SANBR: variants seen among roughly 807,000 people sequenced by gnomAD.
The protein encoded by SANBR is SANT and BTB domain regulator of CSR.
In SANBR, 77 loss-of-function variants were observed where a neutral mutation model predicts 101.8. That is an observed-to-expected ratio of 0.76 (90% CI 0.63 to 0.91). The LOEUF (loss-of-function observed/expected upper bound fraction) is 0.91. Among genes scored for constraint, SANBR ranks in the 40% least tolerant of loss-of-function variants. The pLI is 0.00. For missense variants in SANBR, 875 were observed against 853.0 expected, an observed-to-expected ratio of 1.03 and a Z score of -0.32; for synonymous variants, 279 against 274.7, an observed-to-expected ratio of 1.02 and a Z score of -0.15.
chr2:61,073,506 A>C lies in SANBR; in HGVS notation c.386A>C (p.Asn129Thr), dbSNP rs1300547097. The C allele has an allele frequency of 6.3e-7, 1 of 1,592,284 alleles. No homozygotes were observed. The highest frequency in any genetic ancestry group is 8.6e-7 in the Non-Finnish European group (1 of 1,166,688). Residue 129 changes from asparagine to threonine, a missense_variant, in exon 5 of 22, where the codon AAT (asparagine) becomes ACT (threonine). By Grantham distance (65) the Asn-to-Thr change is moderately conservative. Transcript: ENST00000402291. ...STRNCSSESE[N>T]CTTHNGGEMT... ...AGGAATTGTTCTTCAGAAAGTGAAAATTGTACTACTCATAATGGTGGAGAA... is the reference window on the plus strand; with the variant it reads ...AGGAATTGTTCTTCAGAAAGTGAAACTTGTACTACTCATAATGGTGGAGAA...
intron 21 of SANBR, among the ~76,000 whole-genome samples, chr2:61,134,748 T>A (rs1684794031): frequency 6.6e-6 from 1 of 150,808 alleles, no homozygotes; most frequent in African/African-American, 2.5e-5. Context: ...AAAAATTAGC[T>A]GGTGGTGTGG....
intron 8 of SANBR, among the ~76,000 whole-genome samples, chr2:61,087,095 T>G (rs1682474111): frequency 6.6e-6 from 1 of 152,194 alleles, no homozygotes; most frequent in Non-Finnish European, 1.5e-5. Context: ...AAACATCACT[T>G]AACCCTCATA....
At position 61,114,302 on chromosome 2, in the gene SANBR, A is replaced by G. The variant is rs555636994; in HGVS notation, c.1745-1677A>G. Reference sequence around the variant, plus strand: ...ATTTATTCAGCACACATTAAACGACAAAAGTCTCAAGTAAATGCCACTAGA... The same window carrying G: ...ATTTATTCAGCACACATTAAACGACGAAAGTCTCAAGTAAATGCCACTAGA... On this transcript the variant is annotated intron_variant, in intron 16 of 21. Transcript: ENST00000402291. Among the ~76,000 whole-genome samples the G allele has an allele frequency of 7.5e-4, 115 of 152,322 alleles. 1 individual carries two copies. Among genetic ancestry groups the G allele is most frequent in the African/African-American group, 2.6e-3 (110 of 41,572 alleles).
chr2:61,088,202 T>C lies in SANBR; in HGVS notation c.934T>C (p.Tyr312His). 1 of 1,609,070 alleles carries C rather than the reference T, an allele frequency of 6.2e-7. No individual in the cohort carries two copies. Among genetic ancestry groups the C allele is most frequent in the Non-Finnish European group, 8.5e-7 (1 of 1,178,532 alleles). Residue 312 changes from tyrosine (Y) to histidine (H), a missense_variant, in exon 9 of 22, where the codon TAC becomes CAC. Physicochemically the swap from Tyr to His is moderately conservative, Grantham distance 83 (BLOSUM62 2). Coordinates refer to ENST00000402291, the MANE Select transcript of SANBR (RefSeq NM_001129993.3). ...KKIERLFDPEYLNPDSRSNAA... is the reference protein window; with the variant it reads ...KKIERLFDPEHLNPDSRSNAA... ...GATTGAAAGACTGTTTGATCCTGAG[T>C]ACTTGAATCCAGATTCTCGGAGTAA...
chr2:61,083,368 T>A, intron 8 of SANBR, 54 bp downstream of exon 8: 1 of 1,064,618 alleles, frequency 9.4e-7, no homozygotes. Context: ...AGAAATATAT[T>A]TCTATTTCAT....
Position 61,118,069 on chromosome 2 carries a change from A to ATT in SANBR, c.1982_1983insTT (p.Met661IlefsTer2), listed in dbSNP as rs1684161716. The ATT allele has an allele frequency of 6.2e-7, 1 of 1,613,824 alleles. No homozygotes were observed. Among genetic ancestry groups the ATT allele is most frequent in the Non-Finnish European group, 8.5e-7 (1 of 1,179,898 alleles). On this transcript the variant is annotated frameshift_variant, in exon 20 of 22. Coordinates refer to ENST00000402291, the MANE Select transcript of SANBR (RefSeq NM_001129993.3). LOFTEE classifies it high-confidence loss of function. Reference sequence around the variant, plus strand: ...TGAAATTACAGGGCACCTAATAAAAATGAGATTGGGGGATCTGGACCGAGT... The same window carrying ATT: ...TGAAATTACAGGGCACCTAATAAAAATTTGAGATTGGGGGATCTGGACCGAGT...
At chr2:61,079,683 A>T (rs1032495387) in intron 6 of SANBR, among the ~76,000 whole-genome samples, 1 of 152,200 alleles carries the variant, frequency 6.6e-6, no homozygotes, top group African/African-American at 2.4e-5. Flanking sequence ...TTATGTGTGT[A>T]GTAAAGGTAA....
At chr2:61,121,304 G>A in intron 21 of SANBR, 28 bp downstream of exon 21, 1 of 1,495,222 alleles carries the variant, frequency 6.7e-7, no homozygotes, top group Non-Finnish European at 9.1e-7. Flanking sequence ...AAACCAGAGT[G>A]TCAGTGGCTT....
chr2:61,098,625 C>T (rs1347717861), intron 12 of SANBR, among the ~76,000 whole-genome samples: 1 of 152,096 alleles, frequency 6.6e-6, no homozygotes, highest in African/African-American at 2.4e-5. Flanking sequence ...AGTGAATATC[C>T]TTGCACATAT....
intron 1 of SANBR, among the ~76,000 whole-genome samples, chr2:61,066,712 C>CT (rs1681191080): frequency 6.6e-6 from 1 of 152,016 alleles, no homozygotes; most frequent in African/African-American, 2.4e-5. Context: ...TCTCCAAGAG[C>CT]TTTTTTTTCT....
At chr2:61,083,045 C>CT in intron 7 of SANBR, 109 bp from the exon 8 acceptor site, 1 of 864,098 alleles carries the variant, frequency 1.2e-6, no homozygotes, top group Non-Finnish European at 1.8e-6. Flanking sequence ...CAGTTAGTGC[C>CT]TAGCAATATA....
chr2:61,116,003 T>C lies in SANBR; in HGVS notation c.1769T>C (p.Phe590Ser). ...GGGAAAAAGGAGAAGCCAAAGAAGT[T>C]CACTAGACAACCAAAAAAGCAGGTA... ...KQRKKEKPKK[F>S]TRQPKKQVSS... is the part of the protein sequence containing the mutation. Residue 590 changes from phenylalanine (F) to serine (S), a missense_variant, in exon 17 of 22, where the codon TTC becomes TCC. Physicochemically the swap from Phe to Ser is radical, Grantham distance 155. Transcript: ENST00000402291. The C allele has an allele frequency of 1.9e-6, 3 of 1,612,220 alleles. No individual in the cohort carries two copies. The highest frequency in any genetic ancestry group is 2.5e-6 in the Non-Finnish European group (3 of 1,179,332).
intron 2 of SANBR, 111 bp from the exon 3 acceptor site, chr2:61,070,231 C>T: frequency 1.4e-6 from 1 of 735,624 alleles, no homozygotes. Flanking sequence ...TTTACTTTTC[C>T]TTTACATGGT....
At chr2:61,090,461 T>G (rs1459895536) in intron 10 of SANBR, 1 of 146,106 alleles carries the variant, frequency 6.8e-6, no homozygotes, top group Non-Finnish European at 1.5e-5. Context: ...GATGTATACC[T>G]TTTTTTTTTT....
intron 8 of SANBR, 66 bp downstream of exon 8, chr2:61,083,380 T>A: frequency 3.0e-6 from 3 of 995,338 alleles, no homozygotes; most frequent in Non-Finnish European, 4.5e-6. Flanking sequence ...CTATTTCATG[T>A]GAGTGAAATA....
chr2:61,080,668 C>G (rs1682070211), intron 6 of SANBR, among the ~76,000 whole-genome samples: 1 of 151,530 alleles, frequency 6.6e-6, no homozygotes, highest in Non-Finnish European at 1.5e-5. Context: ...TTGCAGTAAG[C>G]AGAGATTGCG....
intron 10 of SANBR, chr2:61,089,285 TG>T: frequency 4.2e-5 from 26 of 622,872 alleles, no homozygotes; most frequent in Non-Finnish European, 5.0e-5. Context: ...CCAAGTCAGG[TG>T]GATCACCTGA....
exon 21 of SANBR, chr2:61,134,262 A>C (rs751401191): frequency 6.4e-7 from 1 of 1,566,280 alleles, no homozygotes; most frequent in African/African-American, 1.4e-5. Context: ...GACTTGGAAT[A>C]CTGCTTGACA....
chr2:61,132,795 A>G (rs184166012), intron 20 of SANBR, among the ~76,000 whole-genome samples: 34 of 152,366 alleles, frequency 2.2e-4, no homozygotes, highest in African/African-American at 8.2e-4. Flanking sequence ...AAAATGTCGT[A>G]TGTCTATACC....
Sources: allele counts gnomAD v4.1 joint callset (sites outside exome capture counted in the v4.1 genomes callset), GRCh38; gene constraint gnomAD v4.1.1; transcripts MANE v1.5; gene names NCBI Gene and HGNC (gene_info 2026-07-23, HGNC 2026-07-21).